The following RNF213 variants were observed in gnomAD, a reference collection of about 807,000 sequenced individuals.
The protein encoded by RNF213 is E3 ubiquitin-protein ligase RNF213.
In RNF213, 341 loss-of-function variants were observed where a neutral mutation model predicts 514.4. That is an observed-to-expected ratio of 0.66 (90% CI 0.61 to 0.73). The LOEUF (loss-of-function observed/expected upper bound fraction) is 0.73. RNF213 is among the 30% of genes least tolerant of loss of function. The pLI is 0.00. For synonymous variants in RNF213, 2,655 were observed against 2,658.2 expected, an observed-to-expected ratio of 1.00 and a Z score of 0.04; for missense variants, 5,767 against 6,615.6, an observed-to-expected ratio of 0.87 and a Z score of 4.45.
rs376157037 is a variant in RNF213, at chr17:80,390,211, A to G, written c.15470+15A>G. ...CCTCAGTGGAGGTATGGATTTGCACACCTATGGGGCGGGGCAGACACAATG... is the reference window on the plus strand; with the variant it reads ...CCTCAGTGGAGGTATGGATTTGCACGCCTATGGGGCGGGGCAGACACAATG... On this transcript the variant is annotated intron_variant, in intron 67 of 67. Transcript: ENST00000582970. 5.8e-5 allele frequency: 94 copies of G among 1,613,110 alleles called. No homozygotes were observed. The highest frequency in any genetic ancestry group is 7.8e-5 in the Non-Finnish European group (92 of 1,179,606).
At position 80,368,583 on chromosome 17, in the gene RNF213, C is replaced by T. The variant is rs199628684; in HGVS notation, c.12155+440C>T. Among the ~76,000 whole-genome samples the T allele has an allele frequency of 1.1e-4, 16 of 152,230 alleles. No homozygotes were observed. The East Asian group carries it at 3.1e-3, about 29-fold the overall frequency. ...AAGTAGCTGGGATTACAGGCATGCA[C>T]CACCATGCCCGGCTAATTTTTGTAT... is the stretch of plus-strand genomic sequence containing the variant. On this transcript the variant is annotated intron_variant, in intron 44 of 67. Transcript: ENST00000582970.
chr17:80,337,072 CT>C (rs2144032961), intron 23 of RNF213, among the ~76,000 whole-genome samples: 1 of 152,288 alleles, frequency 6.6e-6, no homozygotes, highest in South Asian at 2.1e-4. Context: ...GTAAAGCTAT[CT>C]TCATTTTTCT....
Position 80,348,255 on chromosome 17 carries a change from C to A in RNF213, c.9920C>A (p.Ala3307Glu), listed in dbSNP as rs1020467398. Residue 3307 changes from alanine to glutamate, a missense_variant, in exon 29 of 68, where the codon GCA becomes GAA. Ala to Glu is a moderately radical substitution (Grantham distance 107). Coordinates refer to ENST00000582970, the MANE Select transcript of RNF213 (RefSeq NM_001256071.3). ...ADFLQAHLHT[A>E]DLERHAIFTE... ...TTCCTTCAGGCACACCTGCACACGG[C>A]AGACCTGGAGCGCCACGCCATCTTC... 2 of 1,613,674 alleles carry A rather than the reference C, an allele frequency of 1.2e-6. No homozygotes were observed. Among genetic ancestry groups the A allele is most frequent in the African/African-American group, 1.3e-5 (1 of 74,958 alleles).
intron 67 of RNF213, among the ~76,000 whole-genome samples, chr17:80,392,617 T>C (rs1374477896): frequency 1.4e-5 from 2 of 142,338 alleles, no homozygotes; most frequent in Non-Finnish European, 3.1e-5. Context: ...TTTTTTTTTT[T>C]CTCGCTCTGT....
Position 80,389,234 on chromosome 17 carries a change from C to T in RNF213, c.15062C>T (p.Ala5021Val), listed in dbSNP as rs138130613. ...GGACAGCTGCAGTCCTACAGCGATG[C>T]CTGTGAAGTGCTGTCTGTCGTAGAA... ...ISGQLQSYSDACEVLSVVEVT... is the reference protein window; with the variant it reads ...ISGQLQSYSDVCEVLSVVEVT... Residue 5021 changes from alanine (A) to valine (V), a missense_variant, in exon 65 of 68, where the codon GCC becomes GTC. Around this residue, in one of 13 missense-constraint regions of RNF213, gnomAD observed 1,245 missense variants for 1,339.0 expected, o/e 0.93. Transcript: ENST00000582970. 8.3e-5 allele frequency: 134 copies of T among 1,614,188 alleles called. No homozygotes were observed. The East Asian group carries it at 2.5e-3, about 31-fold the overall frequency.
intron 14 of RNF213, among the ~76,000 whole-genome samples, chr17:80,310,555 A>ATT (rs764917009): frequency 2.7e-4 from 33 of 122,818 alleles, no homozygotes; most frequent in African/African-American, 8.4e-4. Flanking sequence ...ACCCAGCACA[A>ATT]TTTTTTTTTT....
rs1489605910 is a variant in RNF213 at position 80,398,651 on chromosome 17, G to A, written c.*5153G>A. On this transcript the variant is annotated 3_prime_UTR_variant, in exon 68 of 68. Transcript: ENST00000582970. ...TGAGAGAACAGCAGCATAAGTGGCT[G>A]GCAGAGGCAAGGAAAGACCAGCAGA... is the stretch of plus-strand genomic sequence containing the variant. The A allele has an allele frequency of 7.0e-6, 1 of 142,832 alleles. No homozygotes were observed. Among genetic ancestry groups the A allele is most frequent in the Non-Finnish European group, 1.5e-5 (1 of 66,632 alleles). 8.8% of individuals were successfully genotyped at this position (142,832 alleles called of 1,614,324 possible). A position where few individuals can be genotyped will look rare whatever the true frequency, so the allele number is the denominator to read the frequency against.
At chr17:80,385,237 A>G in intron 60 of RNF213, 66 bp downstream of exon 60, 1 of 1,593,772 alleles carries the variant, frequency 6.3e-7, no homozygotes. Context: ...ATCACTGCAT[A>G]GGGGAACAGG....
At chr17:80,267,084 G>A (rs1034787123) in intron 2 of RNF213, among the ~76,000 whole-genome samples, 1 of 152,088 alleles carries the variant, frequency 6.6e-6, no homozygotes. Flanking sequence ...GGGTGTGGTG[G>A]CTCATGCCTG....
In RNF213 at chr17:80,348,119, G is replaced by T; in HGVS notation, c.9784G>T (p.Ala3262Ser). ...GGCCAAATCGATCCTGCTGAACTGC[G>T]CTACGCCCGATGCCGTGGTCCGGCT... ...EEAKSILLNCATPDAVVRLSA... is the reference protein window; with the variant it reads ...EEAKSILLNCSTPDAVVRLSA... Residue 3262 changes from alanine to serine, a missense_variant, in exon 29 of 68, where the codon GCT (alanine) becomes TCT (serine). This residue lies in a region of RNF213 where 919 missense variants were observed against 1,121.0 expected (regional missense o/e 0.82). Coordinates refer to ENST00000582970, the MANE Select transcript of RNF213 (RefSeq NM_001256071.3). The T allele has an allele frequency of 1.2e-6, 2 of 1,614,118 alleles. No homozygotes were observed. The highest frequency in any genetic ancestry group is 1.7e-6 in the Non-Finnish European group (2 of 1,180,052).
Position 80,346,681 on chromosome 17 carries a change from G to C in RNF213, c.8346G>C (p.Val2782=). The C allele has an allele frequency of 6.2e-7, 1 of 1,611,258 alleles. No homozygotes were observed. The highest frequency in any genetic ancestry group is 8.5e-7 in the Non-Finnish European group (1 of 1,179,998). Residue 2782 remains valine (V), a synonymous_variant, in exon 29 of 68, where the codon GTG becomes GTC. Coordinates refer to ENST00000582970, the MANE Select transcript of RNF213 (RefSeq NM_001256071.3). The surrounding 1 kb of genome is among the most constrained non-coding windows in gnomAD (Gnocchi z 8.1). ...CCAAGTCTCTCGCCAAGACCATCGT[G>C]GCAGACGCCATGCAGGGCCCGGCTG... ...GSSKSLAKTI[V]ADAMQGPAAY... is the part of the protein sequence containing the mutation.
chr17:80,319,864 A>T lies in RNF213; in HGVS notation c.3024+552A>T, dbSNP rs188787035. ...CACGGCTGCCCTGCTCACATTTCCT[A>T]ATTGGACACTTAACCCCTGTACAAG... On this transcript the variant is annotated intron_variant, in intron 17 of 67. Coordinates refer to ENST00000582970, the MANE Select transcript of RNF213 (RefSeq NM_001256071.3). 7.2e-5 allele frequency: 83 copies of T among 1,159,682 alleles called. No individual in the cohort carries two copies. In the African/African-American group the frequency reaches 1.1e-3, roughly 16 times the overall value. The allele number at this position is 1,159,682 out of a possible 1,614,324, so 71.8% of individuals were successfully genotyped here.
At chr17:80,342,974 T>A (rs908905766) in intron 26 of RNF213, among the ~76,000 whole-genome samples, 158 bp from the exon 27 acceptor site, 1 of 151,380 alleles carries the variant, frequency 6.6e-6, no homozygotes, top group Admixed American at 6.6e-5. Context: ...CCTGGCTAAT[T>A]TTTTTGTATT....
intron 24 of RNF213, 52 bp downstream of exon 24, chr17:80,337,778 C>G (rs1268192630): frequency 2.6e-6 from 4 of 1,536,940 alleles, no homozygotes; most frequent in Non-Finnish European, 3.5e-6. Flanking sequence ...CAGGCTGCTG[C>G]CAGTCCAGGT....
At chr17:80,277,237 G>C (rs2044095643) in intron 3 of RNF213, among the ~76,000 whole-genome samples, 2 of 152,082 alleles carry the variant, frequency 1.3e-5, no homozygotes, top group African/African-American at 4.8e-5. Flanking sequence ...ACACAGATTA[G>C]TGGTTGGCTG....
intron 3 of RNF213, among the ~76,000 whole-genome samples, chr17:80,280,114 G>T (rs8073256): frequency 6.6e-6 from 1 of 151,728 alleles, no homozygotes; most frequent in Non-Finnish European, 1.5e-5. Context: ...GGGCTTGGCC[G>T]TGAGCCCACT....
Position 80,339,417 on chromosome 17 carries a change from C to T in RNF213, c.5050C>T (p.Leu1684Phe). The T allele has an allele frequency of 6.5e-7, 1 of 1,537,270 alleles. No individual in the cohort carries two copies. The highest frequency in any genetic ancestry group is 8.7e-7 in the Non-Finnish European group (1 of 1,146,898). ...AALCRQMEHF[L>F]DSWKRFVTQK... The stretch of plus-strand genomic sequence containing the variant: ...CCTCTGCAGGCAGATGGAGCACTTC[C>T]TTGACAGCTGGAAGAGATTTGTGAC... The change falls in exon 26 of 68, where the codon CTT (leucine) becomes TTT (phenylalanine). Residue 1684 changes from leucine (L) to phenylalanine (F), a missense_variant. Leu to Phe is a conservative substitution (Grantham distance 22). Around this residue, in one of 13 missense-constraint regions of RNF213, gnomAD observed 1,377 missense variants for 1,635.2 expected, o/e 0.84. Coordinates refer to ENST00000582970, the MANE Select transcript of RNF213 (RefSeq NM_001256071.3).
intron 32 of RNF213, 172 bp downstream of exon 32, chr17:80,351,975 C>A: frequency 6.1e-6 from 3 of 493,918 alleles, no homozygotes; most frequent in Non-Finnish European, 1.1e-5. Context: ...CTGCCTCAGC[C>A]TCCCAAGTAG....
rs1264897317 is a variant in RNF213 at position 80,360,211 on chromosome 17, G to A, written c.11200+5G>A. 2 of 1,611,088 alleles carry A rather than the reference G, an allele frequency of 1.2e-6. No individual in the cohort carries two copies. The highest frequency in any genetic ancestry group is 3.4e-5 in the Admixed American group (2 of 59,560). On this transcript the variant is annotated splice_donor_5th_base_variant and intron_variant, in intron 38 of 67. Coordinates refer to ENST00000582970, the MANE Select transcript of RNF213 (RefSeq NM_001256071.3). ...AGTACATCACAGACGCAGAAGGTGAGGCTACCTCAAGACAGGTCAGATTCA... is the reference window on the plus strand; with the variant it reads ...AGTACATCACAGACGCAGAAGGTGAAGCTACCTCAAGACAGGTCAGATTCA...
Sources: allele counts gnomAD v4.1 joint callset (sites outside exome capture counted in the v4.1 genomes callset), GRCh38; gene constraint gnomAD v4.1.1; regional missense constraint gnomAD v4.1.1; non-coding constraint Gnocchi (gnomAD v3.1); transcripts MANE v1.5; gene names NCBI Gene and HGNC (gene_info 2026-07-23, HGNC 2026-07-21).